The following JDP2 variants were observed in gnomAD, a reference collection of about 807,000 sequenced individuals.
The protein encoded by JDP2 is progesterone receptor co-activator.
A neutral mutation model predicts 17.1 loss-of-function variants in JDP2; 9 were observed. The ratio of observed to expected loss-of-function variants is 0.53; its 90% CI spans 0.32 to 0.92. JDP2 has a LOEUF of 0.92. Among genes scored for constraint, JDP2 ranks in the 40% least tolerant of loss-of-function variants. JDP2 has a pLI of 0.04. For missense variants in JDP2, 179 were observed against 220.0 expected (o/e 0.81, Z 1.18); for synonymous variants, 107 against 95.6 (o/e 1.12, Z -0.69).
intron 3 of JDP2, among the ~76,000 whole-genome samples, chr14:75,463,764 C>T (rs1361781958): frequency 1.3e-5 from 2 of 152,050 alleles, no homozygotes; most frequent in Non-Finnish European, 2.9e-5. Flanking sequence ...CAGGCAGGGC[C>T]CAGATCCCTC....
chr14:75,458,320 C>G (rs1398061925), intron 2 of JDP2, among the ~76,000 whole-genome samples: 3 of 152,142 alleles, frequency 2.0e-5, no homozygotes, highest in Non-Finnish European at 4.4e-5. Flanking sequence ...CTCCCTCCTC[C>G]TACCCTCCAC....
intron 3 of JDP2, among the ~76,000 whole-genome samples, chr14:75,467,552 G>A (rs1241160923): frequency 6.6e-6 from 1 of 152,170 alleles, no homozygotes; most frequent in East Asian, 1.9e-4. Context: ...ACCCCTTGAG[G>A]CAGGGGCTCA....
intron 2 of JDP2, among the ~76,000 whole-genome samples, chr14:75,444,927 C>T (rs1281150101): frequency 2.0e-5 from 3 of 152,194 alleles, no homozygotes; most frequent in Admixed American, 2.0e-4. Flanking sequence ...GAAGGCTTTT[C>T]AAGCCTCTGT....
chr14:75,432,185 C>G, intron 1 of JDP2: 1 of 767,118 alleles, frequency 1.3e-6, no homozygotes, highest in African/African-American at 1.7e-5. Flanking sequence ...GGGGCCTTCC[C>G]CATCATCTTG....
rs1328926693 is a variant in JDP2 at position 75,439,646 on chromosome 14, A to C, written c.201+1525A>C. Among the ~76,000 whole-genome samples the C allele has an allele frequency of 2.0e-5, 3 of 152,242 alleles. No homozygotes were observed. In the South Asian group the frequency reaches 6.2e-4, roughly 31 times the overall value. On this transcript the variant is annotated intron_variant, in intron 2 of 3. Coordinates refer to ENST00000651602, the MANE Select transcript of JDP2 (RefSeq NM_001135048.2). ...TGGATAAGGTCCATCATAGGTGCCT[A>C]CTAAAGACTGTGGATTACAAGCTGT...
rs139558068 is a variant in JDP2 at position 75,436,263 on chromosome 14, C to T, written c.-23-1635C>T. Among the ~76,000 whole-genome samples, 335 of 152,294 alleles carry T rather than the reference C, an allele frequency of 2.2e-3. 1 individual carries two copies. The highest frequency in any genetic ancestry group is 7.6e-3 in the African/African-American group (314 of 41,546). ...TGGGGGCAGGTGGTTGTGGGTCACC[C>T]TCCAAGGCCACTCCTGCAGGAGACA... On this transcript the variant is annotated intron_variant, in intron 1 of 3. Coordinates refer to ENST00000651602, the MANE Select transcript of JDP2 (RefSeq NM_001135048.2).
chr14:75,447,033 C>T (rs1015867895), intron 2 of JDP2, among the ~76,000 whole-genome samples: 3 of 152,160 alleles, frequency 2.0e-5, no homozygotes, highest in Non-Finnish European at 4.4e-5. Flanking sequence ...GCAAGGAGAA[C>T]AATCTGATAG....
At chr14:75,435,419 G>A (rs1283292946) in intron 1 of JDP2, among the ~76,000 whole-genome samples, 1 of 152,194 alleles carries the variant, frequency 6.6e-6, no homozygotes, top group African/African-American at 2.4e-5. Flanking sequence ...CATGGGGGGT[G>A]GAGGGTCCTC....
intron 2 of JDP2, among the ~76,000 whole-genome samples, chr14:75,447,116 C>T (rs1301547002): frequency 6.6e-6 from 1 of 152,138 alleles, no homozygotes; most frequent in Non-Finnish European, 1.5e-5. Context: ...GATTAGAATT[C>T]CCCGGAAAGT....
At chr14:75,441,301 A>T (rs1206594459) in intron 2 of JDP2, among the ~76,000 whole-genome samples, 3 of 152,242 alleles carry the variant, frequency 2.0e-5, no homozygotes, top group African/African-American at 7.2e-5. Context: ...ATTAAGTTCA[A>T]CGACAGGTTT....
intron 2 of JDP2, chr14:75,445,329 T>G (rs186038435): frequency 1.0e-6 from 1 of 985,438 alleles, no homozygotes; most frequent in African/African-American, 1.7e-5. Flanking sequence ...TAGCCACCCT[T>G]CCAGGTTGTG....
intron 1 of JDP2, among the ~76,000 whole-genome samples, chr14:75,434,139 C>G (rs1399493122): frequency 6.6e-6 from 1 of 152,208 alleles, no homozygotes; most frequent in Non-Finnish European, 1.5e-5. Flanking sequence ...GCCACCTCCA[C>G]TGCCCCCCAC....
At chr14:75,432,776 C>A (rs1884867623) in intron 1 of JDP2, among the ~76,000 whole-genome samples, 1 of 152,168 alleles carries the variant, frequency 6.6e-6, no homozygotes, top group Admixed American at 6.5e-5. Context: ...TTTCTCTTAA[C>A]CTGTTTCTTT....
At position 75,464,957 on chromosome 14, in the gene JDP2, C is replaced by A. The variant is rs545614257; in HGVS notation, c.306+3427C>A. ...GATGTTAGTAGCAATAATGCTATCT[C>A]ACACTCCCGTGGTGCCCTCTGGTCT... On this transcript the variant is annotated intron_variant, in intron 3 of 3. Coordinates refer to ENST00000651602, the MANE Select transcript of JDP2 (RefSeq NM_001135048.2). 1.4e-4 allele frequency among the ~76,000 whole-genome samples: 22 copies of A among 152,354 alleles called. No homozygotes were observed. The South Asian group carries it at 3.7e-3, about 26-fold the overall frequency.
rs565741108 is a variant in JDP2, at chr14:75,462,333, G to A, written c.306+803G>A. On this transcript the variant is annotated intron_variant, in intron 3 of 3. Transcript: ENST00000651602. ...TGGTTCTTTGCTGAATAATAATAAC[G>A]ATAATGTATAATAATAACATAGGGG... Among the ~76,000 whole-genome samples the A allele has an allele frequency of 9.1e-4, 139 of 152,236 alleles. 1 individual carries two copies. The highest frequency in any genetic ancestry group is 3.1e-3 in the African/African-American group (128 of 41,532).
At chr14:75,464,524 T>C (rs183717181) in intron 3 of JDP2, among the ~76,000 whole-genome samples, 6 of 152,352 alleles carry the variant, frequency 3.9e-5, no homozygotes, top group African/African-American at 1.2e-4. Context: ...ATACGGGAGA[T>C]GTGTATAGGT....
rs779768600 is a variant in JDP2, at chr14:75,469,367, C to T, written c.384C>T (p.Leu128=). 2.5e-6 allele frequency: 4 copies of T among 1,614,026 alleles called. No homozygotes were observed. In the African/African-American group the frequency reaches 5.3e-5, roughly 22 times the overall value. Residue 128 remains leucine, a synonymous_variant, in exon 4 of 4, where the codon CTC becomes CTT. Transcript: ENST00000651602. ...IEELKQERQQ[L]ILMLNRHRPT... ...AGCTGAAGCAGGAGCGGCAGCAGCT[C>T]ATCCTGATGCTGAACCGACACCGCC...
At chr14:75,448,926 CTGCACCTAAAT>C (rs531748351) in intron 2 of JDP2, among the ~76,000 whole-genome samples, 69 of 152,338 alleles carry the variant, frequency 4.5e-4, no homozygotes, top group Admixed American at 7.8e-4. Context: ...TACCTTCTCT[CTGCACCTAAAT>C]TGCATCCATC....
At chr14:75,457,595 A>G (rs1401511293) in intron 2 of JDP2, among the ~76,000 whole-genome samples, 1 of 152,234 alleles carries the variant, frequency 6.6e-6, no homozygotes, top group Non-Finnish European at 1.5e-5. Flanking sequence ...TCATTGGGAG[A>G]TACCAGCCAA....
Sources: gnomAD v4.1 joint callset for allele counts (sites outside exome capture counted in the v4.1 genomes callset) on GRCh38, gnomAD v4.1.1 for gene constraint, MANE v1.5 for transcripts, NCBI Gene and HGNC (gene_info 2026-07-23, HGNC 2026-07-21) for gene names.